Variants in KIAA1671 observed in about 807,000 individuals in gnomAD.
KIAA1671 encodes uncharacterized protein KIAA1671.
Under a neutral mutation model 131.2 loss-of-function variants are expected in KIAA1671, and 52 were observed. The observed-to-expected ratio is 0.40, with a 90% CI of 0.32 to 0.50. KIAA1671 has a LOEUF of 0.50. Ranked by LOEUF, KIAA1671 falls within the 20% of genes least tolerant of loss-of-function variation. KIAA1671 has a pLI of 0.73. For missense variants in KIAA1671, 2,360 were observed against 2,364.2 expected (o/e 1.00, Z 0.04); for synonymous variants, 1,003 against 961.6 (o/e 1.04, Z -0.80).
intron 4 of KIAA1671, among the ~76,000 whole-genome samples, chr22:25,034,891 C>T (rs1926503995): frequency 6.6e-6 from 1 of 150,782 alleles, no homozygotes; most frequent in African/African-American, 2.4e-5. Flanking sequence ...AGGCCCGCCA[C>T]CACGCCTGGC....
chr22:25,080,155 C>T (rs547969763), intron 6 of KIAA1671, among the ~76,000 whole-genome samples: 11 of 151,962 alleles, frequency 7.2e-5, no homozygotes, highest in Admixed American at 2.0e-4. Context: ...AGATCGGGAC[C>T]CAGGTTTGCA....
chr22:24,985,426 G>A (rs1923468930), intron 1 of KIAA1671, among the ~76,000 whole-genome samples: 1 of 147,462 alleles, frequency 6.8e-6, no homozygotes, highest in African/African-American at 2.5e-5. Context: ...TGCAAGCTCC[G>A]CCTCCCGGGT....
chr22:25,141,333 C>T (rs969032079), intron 6 of KIAA1671, among the ~76,000 whole-genome samples: 16 of 152,060 alleles, frequency 1.1e-4, no homozygotes, highest in Admixed American at 3.3e-4. Flanking sequence ...CCTGGGTTCA[C>T]GCCATTCTCC....
intron 1 of KIAA1671, among the ~76,000 whole-genome samples, chr22:24,960,478 C>T (rs183368156): frequency 1.7e-3 from 247 of 144,778 alleles, no homozygotes; most frequent in Non-Finnish European, 2.7e-3. Flanking sequence ...CCCAGGGAGG[C>T]GAGTGTTGCA....
Position 24,956,811 on chromosome 22 carries a change from A to T in KIAA1671, c.-208+4039A>T, listed in dbSNP as rs1163755115. ...GGCGTGAACTGGCGAGGCGGAGCTT[A>T]CAGTGAGCCGAGATAGTGCCACTGC... On this transcript the variant is annotated intron_variant, in intron 1 of 12. Transcript: ENST00000358431. Among the ~76,000 whole-genome samples, 3 of 150,510 alleles carry T rather than the reference A, an allele frequency of 2.0e-5. No individual in the cohort carries two copies. In the South Asian group the frequency reaches 6.4e-4, roughly 32 times the overall value.
rs868445886 is a variant in KIAA1671, at chr22:25,123,199, T to G, written c.4531-47621T>G. The stretch of plus-strand genomic sequence containing the variant: ...TCACTTCTGAGATGAGGTTTTTTTT[T>G]TTTTTTTTTTTTTTTGAGATGGAGT... On this transcript the variant is annotated intron_variant, in intron 6 of 12. Transcript: ENST00000358431. 4.2e-4 allele frequency among the ~76,000 whole-genome samples: 59 copies of G among 139,710 alleles called. 1 individual carries two copies. The highest frequency in any genetic ancestry group is 3.5e-3 in the Middle Eastern group (1 of 286). The allele number at this position is 139,710 out of a possible 152,430, so 91.7% of individuals were successfully genotyped here. A position where few individuals can be genotyped will look rare whatever the true frequency, so the allele number is the denominator to read the frequency against.
chr22:25,024,631 G>A (rs989137444), intron 1 of KIAA1671: 1 of 152,286 alleles, frequency 6.6e-6, no homozygotes, highest in Non-Finnish European at 1.5e-5. Flanking sequence ...CATGGTATCT[G>A]GACTTATTTA....
At chr22:25,064,263 G>C (rs1470000170) in intron 6 of KIAA1671, 1 of 152,200 alleles carries the variant, frequency 6.6e-6, no homozygotes, top group Non-Finnish European at 1.5e-5. Context: ...GTTTCGCTCT[G>C]TTGGCCAGGC....
chr22:24,996,327 C>T (rs764316724), intron 1 of KIAA1671, among the ~76,000 whole-genome samples: 3 of 151,746 alleles, frequency 2.0e-5, no homozygotes, highest in Non-Finnish European at 2.9e-5. Flanking sequence ...TAAAGGGCAT[C>T]GGGAACCAGC....
At chr22:25,022,272 T>C (rs1925716759) in intron 1 of KIAA1671, among the ~76,000 whole-genome samples, 1 of 152,186 alleles carries the variant, frequency 6.6e-6, no homozygotes, top group African/African-American at 2.4e-5. Flanking sequence ...AAGGGTGTAA[T>C]TATGAAAGAT....
chr22:25,034,978 C>A (rs989769308), intron 4 of KIAA1671, among the ~76,000 whole-genome samples: 1 of 150,984 alleles, frequency 6.6e-6, no homozygotes, highest in African/African-American at 2.4e-5. Context: ...ACCTTGTGAG[C>A]CACCTGCCTC....
At chr22:25,168,547 G>A (rs1933727443) in intron 6 of KIAA1671, among the ~76,000 whole-genome samples, 2 of 152,156 alleles carry the variant, frequency 1.3e-5, no homozygotes, top group Admixed American at 1.3e-4. Context: ...AAACAAATTA[G>A]CCAGGCATGG....
chr22:25,130,375 G>T (rs1275724933), intron 6 of KIAA1671, among the ~76,000 whole-genome samples: 1 of 152,104 alleles, frequency 6.6e-6, no homozygotes, highest in African/African-American at 2.4e-5. Flanking sequence ...TTTCTTGAAT[G>T]AATGAGTAGG....
chr22:25,150,902 G>T (rs1046243971), intron 6 of KIAA1671, among the ~76,000 whole-genome samples: 1 of 146,580 alleles, frequency 6.8e-6, no homozygotes, highest in Non-Finnish European at 1.5e-5. Flanking sequence ...GCGCAATCTC[G>T]GCTTACTGCA....
chr22:25,016,271 G>A (rs941056469), intron 1 of KIAA1671, among the ~76,000 whole-genome samples: 3 of 151,798 alleles, frequency 2.0e-5, no homozygotes, highest in Non-Finnish European at 2.9e-5. Context: ...CGCCCGCCTC[G>A]GCCTCCCAAA....
At chr22:25,008,372 C>T (rs1219392055) in intron 1 of KIAA1671, among the ~76,000 whole-genome samples, 1 of 152,040 alleles carries the variant, frequency 6.6e-6, no homozygotes, top group East Asian at 1.9e-4. Context: ...ATCACTTTGC[C>T]TTTCCAAACC....
intron 6 of KIAA1671, among the ~76,000 whole-genome samples, chr22:25,133,305 C>G (rs1427474787): frequency 3.3e-5 from 5 of 152,176 alleles, no homozygotes; most frequent in African/African-American, 1.2e-4. Context: ...AAGATTTCCA[C>G]TTTCAGAAAT....
intron 10 of KIAA1671, among the ~76,000 whole-genome samples, chr22:25,183,584 A>G (rs948075483): frequency 2.2e-4 from 33 of 150,470 alleles, no homozygotes; most frequent in Non-Finnish European, 4.1e-4. Flanking sequence ...GCTAGAGTGC[A>G]GTGGTGTGAT....
chr22:25,068,351 C>T (rs1928605134), intron 6 of KIAA1671, among the ~76,000 whole-genome samples: 1 of 152,266 alleles, frequency 6.6e-6, no homozygotes, highest in African/African-American at 2.4e-5. Context: ...TCAATGAAAC[C>T]ACAGGCCTGC....
Sources: gnomAD v4.1 joint callset for allele counts (sites outside exome capture counted in the v4.1 genomes callset) on GRCh38, gnomAD v4.1.1 for gene constraint, MANE v1.5 for transcripts, NCBI Gene and HGNC (gene_info 2026-07-23, HGNC 2026-07-21) for gene names.